Variants in KCNIP4 observed in about 807,000 individuals in gnomAD.
KCNIP4 encodes Kv channel-interacting protein 4.
In KCNIP4, 12 loss-of-function variants were observed where a neutral mutation model predicts 34.0. The observed-to-expected ratio is 0.35, with a 90% confidence interval of 0.23 to 0.57. The LOEUF is 0.57. Ranked by LOEUF, KCNIP4 falls within the 20% of genes least tolerant of loss-of-function variation. The probability of loss-of-function intolerance (pLI) is 0.83; values close to 1 mark genes in which losing one functional copy is unlikely to be tolerated. For missense variants in KCNIP4, 238 were observed against 311.7 expected, an observed-to-expected ratio of 0.76 and a Z score of 1.78; for synonymous variants, 124 against 102.2, an observed-to-expected ratio of 1.21 and a Z score of -1.29.
intron 1 of KCNIP4, among the ~76,000 whole-genome samples, chr4:21,931,446 G>A (rs1729560370): frequency 8.3e-6 from 1 of 121,192 alleles, no homozygotes; most frequent in African/African-American, 3.3e-5. Flanking sequence ...AGGCCCTGGT[G>A]TGTGATGTTC....
intron 1 of KCNIP4, among the ~76,000 whole-genome samples, chr4:21,766,711 C>G (rs941169048): frequency 6.6e-6 from 1 of 151,982 alleles, no homozygotes; most frequent in Non-Finnish European, 1.5e-5. Context: ...GCAGGGAGGG[C>G]CCTAATTAAT....
intron 1 of KCNIP4, among the ~76,000 whole-genome samples, chr4:21,303,623 A>T (rs1027737819): frequency 6.6e-6 from 1 of 152,200 alleles, no homozygotes; most frequent in Admixed American, 6.5e-5. Flanking sequence ...TTGTGAAAAC[A>T]TTACTGCAAC....
At chr4:20,844,492 A>C (rs1720126825) in intron 3 of KCNIP4, among the ~76,000 whole-genome samples, 1 of 152,200 alleles carries the variant, frequency 6.6e-6, no homozygotes. Context: ...AGAGAGACAG[A>C]AGCCGGCAGG....
At chr4:21,920,378 C>T (rs1348684771) in intron 1 of KCNIP4, among the ~76,000 whole-genome samples, 1 of 152,118 alleles carries the variant, frequency 6.6e-6, no homozygotes, top group African/African-American at 2.4e-5. Flanking sequence ...ACTGTTTACA[C>T]AGAATTTGCC....
intron 1 of KCNIP4, among the ~76,000 whole-genome samples, chr4:21,728,767 C>T (rs903319570): frequency 5.9e-5 from 9 of 152,214 alleles, no homozygotes; most frequent in African/African-American, 2.2e-4. Context: ...GAGGATCCTC[C>T]CCTGGGGAAG....
At chr4:21,872,836 T>A (rs990102235) in intron 1 of KCNIP4, among the ~76,000 whole-genome samples, 1 of 152,200 alleles carries the variant, frequency 6.6e-6, no homozygotes, top group African/African-American at 2.4e-5. Flanking sequence ...AAATGGCAAA[T>A]ATAGTATTAA....
chr4:21,873,462 A>C (rs937664094), intron 1 of KCNIP4, among the ~76,000 whole-genome samples: 42 of 152,226 alleles, frequency 2.8e-4, no homozygotes, highest in African/African-American at 1.0e-3. Context: ...AGTCCATCAG[A>C]ATTAAAAGAA....
intron 1 of KCNIP4, among the ~76,000 whole-genome samples, chr4:21,638,980 A>G (rs6844524): frequency 0.27 from 40,789 of 152,116 alleles, 6,595 homozygotes; most frequent in East Asian, 0.73. Context: ...GTAAAGAGTT[A>G]TCTTTAAAGG....
In KCNIP4 at chr4:21,216,362, T is replaced by C. The variant is rs77754801; in HGVS notation, c.62-333653A>G. 9.4e-3 allele frequency among the ~76,000 whole-genome samples: 1,425 copies of C among 152,342 alleles called. 25 individuals are homozygous for C. The highest frequency in any genetic ancestry group is 0.032 in the African/African-American group (1,350 of 41,572). Reference sequence around the variant, plus strand: ...TTCACTATATGTAATTTTTAAAACGTAGTTTAATTCAATATTTCCTAAACA... The same window carrying C: ...TTCACTATATGTAATTTTTAAAACGCAGTTTAATTCAATATTTCCTAAACA... On this transcript the variant is annotated intron_variant, in intron 1 of 8. Transcript: ENST00000382152.
chr4:21,699,098 T>C (rs1419094607), intron 1 of KCNIP4, among the ~76,000 whole-genome samples: 1 of 152,194 alleles, frequency 6.6e-6, no homozygotes, highest in Non-Finnish European at 1.5e-5. Context: ...ATCCCTAAGT[T>C]TGAAATAGGC....
At chr4:21,070,663 A>ATTTTTTTTTTTTTTTTTTTTT (rs1203011253) in intron 1 of KCNIP4, among the ~76,000 whole-genome samples, 1 of 49,572 alleles carries the variant, frequency 2.0e-5, no homozygotes, top group Non-Finnish European at 3.7e-5. Context: ...GAGTTTTGAG[A>ATTTTTTTTTTTTTTTTTTTTT]TTTTTTTTTT....
At chr4:21,342,394 A>AC (rs990846788) in intron 1 of KCNIP4, among the ~76,000 whole-genome samples, 20 of 152,150 alleles carry the variant, frequency 1.3e-4, no homozygotes, top group Non-Finnish European at 1.6e-4. Flanking sequence ...ATTCAAAGCT[A>AC]TTTTTATATC....
chr4:21,107,056 GA>G (rs1169458729), intron 1 of KCNIP4, among the ~76,000 whole-genome samples: 1 of 147,316 alleles, frequency 6.8e-6, no homozygotes, highest in African/African-American at 2.6e-5. Context: ...GTGTGGTGCT[GA>G]AAAAAATGTA....
chr4:20,901,460 C>T (rs1282649376), intron 1 of KCNIP4, among the ~76,000 whole-genome samples: 1 of 152,168 alleles, frequency 6.6e-6, no homozygotes, highest in Non-Finnish European at 1.5e-5. Flanking sequence ...GATTTGTATG[C>T]ACATTAAATT....
At chr4:21,595,280 T>A (rs1742555204) in intron 1 of KCNIP4, among the ~76,000 whole-genome samples, 1 of 152,148 alleles carries the variant, frequency 6.6e-6, no homozygotes, top group African/African-American at 2.4e-5. Flanking sequence ...CTGAGAATGA[T>A]GGTTTCCAGC....
intron 1 of KCNIP4, among the ~76,000 whole-genome samples, chr4:21,922,774 C>T (rs1262437790): frequency 6.6e-6 from 1 of 152,122 alleles, no homozygotes; most frequent in Non-Finnish European, 1.5e-5. Flanking sequence ...AGAAGGATGA[C>T]ATTTGCTACA....
intron 1 of KCNIP4, among the ~76,000 whole-genome samples, chr4:21,432,547 T>C (rs190086692): frequency 2.1e-4 from 32 of 152,278 alleles, no homozygotes; most frequent in Admixed American, 6.5e-4. Flanking sequence ...TACAATCTTG[T>C]TGAAATTTTA....
In KCNIP4 at chr4:21,613,656, C is replaced by T. The variant is rs547062526; in HGVS notation, c.61+334915G>A. Reference sequence around the variant, plus strand: ...TAACTAAGACATGAGTATACACTAACCCTAAAATAATCTCAAAATCCCTTC... The same window carrying T: ...TAACTAAGACATGAGTATACACTAATCCTAAAATAATCTCAAAATCCCTTC... On this transcript the variant is annotated intron_variant, in intron 1 of 8. Transcript: ENST00000382152. The T allele has an allele frequency of 4.6e-5, 7 of 152,206 alleles. No homozygotes were observed. The East Asian group carries it at 1.4e-3, about 29-fold the overall frequency. The allele number at this position is 152,206 out of a possible 1,614,324, so 9.4% of individuals were successfully genotyped here. A position where few individuals can be genotyped will look rare whatever the true frequency, so the allele number is the denominator to read the frequency against.
chr4:21,446,438 G>T (rs1333560409), intron 1 of KCNIP4, among the ~76,000 whole-genome samples: 1 of 151,970 alleles, frequency 6.6e-6, no homozygotes, highest in Non-Finnish European at 1.5e-5. Flanking sequence ...GGAATACTAT[G>T]CAGCCATAAA....
Sources: gnomAD v4.1 joint callset for allele counts (sites outside exome capture counted in the v4.1 genomes callset) on GRCh38, gnomAD v4.1.1 for gene constraint, MANE v1.5 for transcripts, NCBI Gene and HGNC (gene_info 2026-07-23, HGNC 2026-07-21) for gene names.